The following PCSK9 variants were observed in gnomAD, a reference collection of about 807,000 sequenced individuals.
The protein encoded by PCSK9 is proprotein convertase subtilisin/kexin type 9.
A neutral mutation model predicts 62.1 loss-of-function variants in PCSK9; 57 were observed. The ratio of observed to expected loss-of-function variants is 0.92; its 90% CI spans 0.74 to 1.14. The LOEUF is 1.14. Among genes scored for constraint, PCSK9 ranks in the 50% most tolerant of loss-of-function variants. PCSK9 has a pLI of 0.00. For synonymous variants in PCSK9, 387 were observed against 409.4 expected (o/e 0.95, Z 0.66); for missense variants, 870 against 959.8 (o/e 0.91, Z 1.24).
intron 3 of PCSK9, among the ~76,000 whole-genome samples, chr1:55,047,256 G>A (rs1180980269): frequency 6.6e-6 from 1 of 152,230 alleles, no homozygotes; most frequent in Admixed American, 6.5e-5. Flanking sequence ...GGACTTGCAG[G>A]TGGCAATTCA....
chr1:55,046,170 C>A (rs1005961089), intron 2 of PCSK9, among the ~76,000 whole-genome samples: 11 of 152,210 alleles, frequency 7.2e-5, no homozygotes, highest in African/African-American at 2.4e-4. Context: ...GCTGTTATGT[C>A]ATGATTTAGG....
intron 6 of PCSK9, 106 bp from the exon 7 acceptor site, chr1:55,057,225 A>G: frequency 1.4e-6 from 2 of 1,394,864 alleles, no homozygotes; most frequent in Non-Finnish European, 2.0e-6. Flanking sequence ...GTGGGACCCA[A>G]ACAGGTGTAT....
In PCSK9 at chr1:55,040,312, G is replaced by T. The variant is rs1644589790; in HGVS notation, c.207+268G>T. 1.3e-5 allele frequency among the ~76,000 whole-genome samples: 2 copies of T among 152,180 alleles called. No individual in the cohort carries two copies. The highest frequency in any genetic ancestry group is 2.9e-5 in the Non-Finnish European group (2 of 68,032). ...CGCTATTCAGTGGGAAGGTTCGCGG[G>T]GTTGGGAGACCCGGAGGCCGAGGAA... On this transcript the variant is annotated intron_variant, in intron 1 of 11. Transcript: ENST00000302118. This position sits in a 1 kb window ranked among gnomAD's most constrained non-coding sequence, Gnocchi z 4.1.
chr1:55,052,862 C>G lies in PCSK9; in HGVS notation c.799+71C>G, dbSNP rs1644686346. 34 of 1,606,486 alleles carry G rather than the reference C, an allele frequency of 2.1e-5. No individual in the cohort carries two copies. The Admixed American group carries it at 5.2e-4, about 25-fold the overall frequency. ...CCTGGGAGGTGGCTTGGGCTGGGCC[C>G]AGGGAGAGCTAATGTCTCCTAACCA... On this transcript the variant is annotated intron_variant, in intron 5 of 11. Transcript: ENST00000302118.
At chr1:55,062,003 A>G (rs1644763610) in intron 11 of PCSK9, among the ~76,000 whole-genome samples, 1 of 152,182 alleles carries the variant, frequency 6.6e-6, no homozygotes, top group South Asian at 2.1e-4. Flanking sequence ...GATCTATTTA[A>G]CAAACCTGCT....
chr1:55,054,978 C>T (rs1180565179), intron 5 of PCSK9, among the ~76,000 whole-genome samples: 1 of 151,284 alleles, frequency 6.6e-6, no homozygotes, highest in South Asian at 2.1e-4. Context: ...GCACTCCAGC[C>T]TGGGCAATAG....
chr1:55,056,468 A>C (rs479910), intron 6 of PCSK9, among the ~76,000 whole-genome samples: 2 of 151,500 alleles, frequency 1.3e-5, no homozygotes, highest in African/African-American at 2.4e-5. Flanking sequence ...ACGCCCCCAC[A>C]CCCCGTCCTG....
At chr1:55,046,776 C>G in intron 3 of PCSK9, 130 bp downstream of exon 3, 1 of 1,056,742 alleles carries the variant, frequency 9.5e-7, no homozygotes, top group Non-Finnish European at 1.4e-6. Context: ...CCACTGACCC[C>G]TTTTTTTCTG....
chr1:55,052,138 AT>A, intron 3 of PCSK9, 139 bp from the exon 4 acceptor site: 1 of 1,194,466 alleles, frequency 8.4e-7, no homozygotes, highest in Non-Finnish European at 1.2e-6. Flanking sequence ...GTGTGTGAGG[AT>A]TTTTTGGAGG....
chr1:55,059,691 A>AGGAGG lies in PCSK9; in HGVS notation c.1681+31_1681+35dup, dbSNP rs1489793999. ...AGGAGGCTGGGCTTGCCCTGGGGTG[A>AGGAGG]GGAGGGGTCTCTTTCTCCTTATGCA... On this transcript the variant is annotated intron_variant, in intron 10 of 11. Coordinates refer to ENST00000302118, the MANE Select transcript of PCSK9 (RefSeq NM_174936.4). 4 of 1,546,706 alleles carry AGGAGG rather than the reference A, an allele frequency of 2.6e-6. No individual in the cohort carries two copies. In the African/African-American group the frequency reaches 5.5e-5, roughly 21 times the overall value.
chr1:55,058,237 C>T, intron 8 of PCSK9, 28 bp downstream of exon 8: 1 of 1,606,580 alleles, frequency 6.2e-7, no homozygotes, highest in Non-Finnish European at 8.5e-7. Context: ...GTGGGCAAGT[C>T]CAGGCTGGGG....
intron 1 of PCSK9, among the ~76,000 whole-genome samples, chr1:55,042,865 G>C (rs2100263240): frequency 6.6e-6 from 1 of 152,334 alleles, no homozygotes; most frequent in East Asian, 1.9e-4. Flanking sequence ...CATGGGGGAG[G>C]AACCCCTGTG....
intron 6 of PCSK9, among the ~76,000 whole-genome samples, chr1:55,056,933 TC>T (rs67560679): frequency 0.38 from 16,494 of 43,120 alleles, 995 homozygotes; most frequent in Non-Finnish European, 0.52. Flanking sequence ...GTAACCTAGG[TC>T]CCCCCTGGCC....
At chr1:55,063,323 C>T (rs758282750) in intron 11 of PCSK9, 46 bp from the exon 12 acceptor site, 1 of 1,584,724 alleles carries the variant, frequency 6.3e-7, no homozygotes, top group South Asian at 1.1e-5. Flanking sequence ...GGTGGGGGTC[C>T]CGGGCCACGC....
intron 1 of PCSK9, among the ~76,000 whole-genome samples, chr1:55,042,967 C>T (rs918182381): frequency 5.3e-5 from 8 of 152,206 alleles, no homozygotes; most frequent in African/African-American, 1.9e-4. Flanking sequence ...TGGCACCTCC[C>T]TCTCTTCTCT....
rs777111934 is a variant in PCSK9, at chr1:55,052,771, C to T, written c.779C>T (p.Thr260Met). 1.1e-5 allele frequency: 17 copies of T among 1,613,016 alleles called. No homozygotes were observed. In the Middle Eastern group the frequency reaches 8.2e-4, roughly 78 times the overall value. Residue 260 changes from threonine (T) to methionine (M), a missense_variant, in exon 5 of 12, where the codon ACG becomes ATG. Transcript: ENST00000302118. ...GTGCTCAACTGCCAAGGGAAGGGCA[C>T]GGTTAGCGGCACCCTCATAGGTAAG... ...LRVLNCQGKG[T>M]VSGTLIGLEF...
chr1:55,052,164 A>G, intron 3 of PCSK9, 114 bp from the exon 4 acceptor site: 2 of 1,418,208 alleles, frequency 1.4e-6, no homozygotes, highest in South Asian at 1.2e-5. Context: ...ACGAGTGAAT[A>G]TATTTAAGGC....
chr1:55,046,710 C>G, intron 3 of PCSK9, 64 bp downstream of exon 3: 1 of 1,592,180 alleles, frequency 6.3e-7, no homozygotes, highest in Non-Finnish European at 8.6e-7. Flanking sequence ...TCTGCCCTGG[C>G]CTGGCCTCCC....
chr1:55,057,361 G>T lies in PCSK9; in HGVS notation c.1027G>T (p.Asp343Tyr). The change falls in exon 7 of 12, where the codon GAC becomes TAC. Residue 343 changes from aspartate (D) to tyrosine (Y), a missense_variant. Asp to Tyr is a radical substitution (Grantham distance 160). Coordinates refer to ENST00000302118, the MANE Select transcript of PCSK9 (RefSeq NM_174936.4). ...CACAGTTGGGGCCACCAATGCCCAA[G>T]ACCAGCCGGTGACCCTGGGGACTTT... ...VITVGATNAQ[D>Y]QPVTLGTLGT... is the part of the protein sequence containing the mutation. 1 of 1,614,002 alleles carries T rather than the reference G, an allele frequency of 6.2e-7. No homozygotes were observed. Among genetic ancestry groups the T allele is most frequent in the South Asian group, 1.1e-5 (1 of 91,082 alleles).
Sources: gnomAD v4.1 joint callset for allele counts (sites outside exome capture counted in the v4.1 genomes callset) on GRCh38, gnomAD v4.1.1 for gene constraint, Gnocchi (gnomAD v3.1) non-coding constraint, MANE v1.5 for transcripts, NCBI Gene and HGNC (gene_info 2026-07-23, HGNC 2026-07-21) for gene names.